ZFP69: variants seen among roughly 807,000 people sequenced by gnomAD.
ZFP69 encodes ZFP69 zinc finger protein, also known as zinc finger protein 69 homolog.
A neutral mutation model predicts 48.9 loss-of-function variants in ZFP69; 35 were observed. The observed-to-expected ratio is 0.72, with a 90% CI of 0.55 to 0.95. The LOEUF is 0.95. Among genes scored for constraint, ZFP69 ranks in the 40% least tolerant of loss-of-function variants. The pLI is 0.00. For synonymous variants in ZFP69, 193 were observed against 216.8 expected, an observed-to-expected ratio of 0.89 and a Z score of 0.96; for missense variants, 557 against 638.4, an observed-to-expected ratio of 0.87 and a Z score of 1.37.
intron 3 of ZFP69, among the ~76,000 whole-genome samples, chr1:40,486,518 A>C (rs1205210898): frequency 7.4e-6 from 1 of 135,012 alleles, no homozygotes; most frequent in Non-Finnish European, 1.5e-5. Context: ...TCTCAGGCTT[A>C]AGTGATCCTC....
Position 40,495,611 on chromosome 1 carries a change from C to T in ZFP69, c.1133C>T (p.Ser378Phe), listed in dbSNP as rs1242140787. 1 of 1,614,218 alleles carries T rather than the reference C, an allele frequency of 6.2e-7. No homozygotes were observed. Among genetic ancestry groups the T allele is most frequent in the Admixed American group, 1.7e-5 (1 of 60,028 alleles). Reference protein sequence around the residue: ...ISLVQHLRTHSGEKPFTCNEC... With the variant: ...ISLVQHLRTHFGEKPFTCNEC... ...TTGGTTCAACATTTGAGGACTCATTCTGGAGAGAAACCTTTTACTTGCAAT... is the reference window on the plus strand; with the variant it reads ...TTGGTTCAACATTTGAGGACTCATTTTGGAGAGAAACCTTTTACTTGCAAT... The change falls in exon 6 of 6, where the codon TCT becomes TTT. Residue 378 changes from serine to phenylalanine, a missense_variant. Physicochemically the swap from Ser to Phe is radical, Grantham distance 155. Transcript: ENST00000372706.
rs139925087 is a variant in ZFP69, at chr1:40,479,395, G to A, written c.34G>A (p.Glu12Lys). The A allele has an allele frequency of 2.0e-4, 329 of 1,614,048 alleles. 1 individual carries two copies. The African/African-American group carries it at 4.1e-3, about 20-fold the overall frequency. ...PQQLLITLPT[E>K]ASTWVKLQHP... is the part of the protein sequence containing the mutation. ...GCAGCTCCTGATCACCCTGCCTACC[G>A]AGGCCAGCACCTGGGTGAAGCTGCA... is the stretch of plus-strand genomic sequence containing the variant. Residue 12 changes from glutamate to lysine, a missense_variant, in exon 2 of 6, where the codon GAG becomes AAG. Physicochemically the swap from Glu to Lys is moderately conservative, Grantham distance 56. Transcript: ENST00000372706.
In ZFP69 at chr1:40,481,906, G is replaced by T. The variant is rs904855112; in HGVS notation, c.219+52G>T. On this transcript the variant is annotated intron_variant, in intron 3 of 5. Coordinates refer to ENST00000372706, the MANE Select transcript of ZFP69 (RefSeq NM_001320179.2). ...TGACATTGCTTCTCCTGTTTTTAGGGTATATAACCTGTCTTTTTTGCAGAG... is the reference window on the plus strand; with the variant it reads ...TGACATTGCTTCTCCTGTTTTTAGGTTATATAACCTGTCTTTTTTGCAGAG... 4.3e-6 allele frequency: 6 copies of T among 1,410,216 alleles called. No individual in the cohort carries two copies. The African/African-American group carries it at 8.6e-5, about 20-fold the overall frequency. The allele number at this position is 1,410,216 out of a possible 1,614,324, so 87.4% of individuals were successfully genotyped here.
At position 40,494,651 on chromosome 1, in the gene ZFP69, ATTT is replaced by A. The variant is rs1383346720; in HGVS notation, c.443-269_443-267del. Among the ~76,000 whole-genome samples the A allele has an allele frequency of 7.5e-5, 11 of 146,234 alleles. No homozygotes were observed. The South Asian group carries it at 2.3e-3, about 31-fold the overall frequency. On this transcript the variant is annotated intron_variant, in intron 5 of 5. Transcript: ENST00000372706. ...AATATACATTATATATAAAATATATATTTATTTATATTTATATATTTATAAATA... is the reference window on the plus strand; with the variant it reads ...AATATACATTATATATAAAATATATAATTTATATTTATATATTTATAAATA...
At chr1:40,486,488 C>T (rs1198400026) in intron 3 of ZFP69, among the ~76,000 whole-genome samples, 2 of 133,360 alleles carry the variant, frequency 1.5e-5, no homozygotes, top group Non-Finnish European at 3.3e-5. Context: ...CTCCCTCCCT[C>T]CCTCCCTCCC....
chr1:40,486,205 C>T (rs184744828), intron 3 of ZFP69, among the ~76,000 whole-genome samples: 138 of 152,168 alleles, frequency 9.1e-4, no homozygotes, highest in African/African-American at 3.1e-3. Flanking sequence ...GGATTACAGG[C>T]ATGAGCCACT....
chr1:40,494,993 G>C lies in ZFP69; in HGVS notation c.515G>C (p.Gly172Ala), dbSNP rs1645614118. 6.2e-7 allele frequency: 1 copy of C among 1,613,812 alleles called. No homozygotes were observed. Among genetic ancestry groups the C allele is most frequent in the Non-Finnish European group, 8.5e-7 (1 of 1,179,946 alleles). Residue 172 changes from glycine to alanine, a missense_variant, in exon 6 of 6, where the codon GGC becomes GCC. By Grantham distance (60) the Gly-to-Ala change is moderately conservative (BLOSUM62 0). Coordinates refer to ENST00000372706, the MANE Select transcript of ZFP69 (RefSeq NM_001320179.2). Reference protein sequence around the residue: ...STISQERLYHGIMMESFMRDD... With the variant: ...STISQERLYHAIMMESFMRDD... ...ATTTCACAGGAGCGCTTATATCATG[G>C]CATTATGATGGAAAGTTTCATGAGG... is the stretch of plus-strand genomic sequence containing the variant.
chr1:40,494,649 A>G (rs1363988832), intron 5 of ZFP69, among the ~76,000 whole-genome samples: 2 of 146,810 alleles, frequency 1.4e-5, no homozygotes, highest in African/African-American at 2.5e-5. Context: ...TATAAAATAT[A>G]TATTTATTTA....
Position 40,495,281 on chromosome 1 carries a change from C to T in ZFP69, c.803C>T (p.Thr268Ile). ...LINHPTSYIR[T>I]KTYECNICEK... ...AATCATCCAACAAGTTACATAAGAACAAAAACCTATGAATGTAATATATGT... is the reference window on the plus strand; with the variant it reads ...AATCATCCAACAAGTTACATAAGAATAAAAACCTATGAATGTAATATATGT... Residue 268 changes from threonine (T) to isoleucine (I), a missense_variant, in exon 6 of 6, where the codon ACA (threonine) becomes ATA (isoleucine). Physicochemically the swap from Thr to Ile is moderately conservative, Grantham distance 89. Transcript: ENST00000372706. The T allele has an allele frequency of 6.2e-7, 1 of 1,613,920 alleles. No homozygotes were observed. The highest frequency in any genetic ancestry group is 2.2e-5 in the East Asian group (1 of 44,876).
At position 40,484,883 on chromosome 1, in the gene ZFP69, C is replaced by CTTTTTT. The variant is rs71060386; in HGVS notation, c.219+3050_219+3055dup. ...GGCATGAGCCACTGCGCCTGGCCTG[C>CTTTTTT]TTTTTTTTTTTTTTTTTTTTTTTTT... On this transcript the variant is annotated intron_variant, in intron 3 of 5. Coordinates refer to ENST00000372706, the MANE Select transcript of ZFP69 (RefSeq NM_001320179.2). Among the ~76,000 whole-genome samples the CTTTTTT allele has an allele frequency of 4.3e-4, 19 of 44,384 alleles. 3 individuals are homozygous for CTTTTTT. The highest frequency in any genetic ancestry group is 2.0e-3 in the African/African-American group (18 of 9,046). The allele number at this position is 44,384 out of a possible 152,430, so 29.1% of individuals were successfully genotyped here.
At chr1:40,484,616 T>C (rs1325834448) in intron 3 of ZFP69, among the ~76,000 whole-genome samples, 3 of 151,936 alleles carry the variant, frequency 2.0e-5, no homozygotes, top group Non-Finnish European at 4.4e-5. Flanking sequence ...AGTCTTGCTC[T>C]GTTGCCCAGG....
chr1:40,491,650 TTC>T (rs1645569520), intron 5 of ZFP69, among the ~76,000 whole-genome samples: 1 of 152,178 alleles, frequency 6.6e-6, no homozygotes, highest in African/African-American at 2.4e-5. Flanking sequence ...CCATCTCTTC[TTC>T]TGTCCTTACT....
rs557596958 is a variant in ZFP69, at chr1:40,494,600, T to A, written c.443-321T>A. ...TTATATGATATTTATAAATATTTGATATATTTATAAATATTTTATATATAA... is the reference window on the plus strand; with the variant it reads ...TTATATGATATTTATAAATATTTGAAATATTTATAAATATTTTATATATAA... On this transcript the variant is annotated intron_variant, in intron 5 of 5. Coordinates refer to ENST00000372706, the MANE Select transcript of ZFP69 (RefSeq NM_001320179.2). Among the ~76,000 whole-genome samples the A allele has an allele frequency of 2.1e-3, 307 of 146,376 alleles. 1 individual carries two copies. The highest frequency in any genetic ancestry group is 3.3e-3 in the Admixed American group (49 of 14,656).
At chr1:40,492,722 G>A (rs1224214426) in intron 5 of ZFP69, among the ~76,000 whole-genome samples, 1 of 152,088 alleles carries the variant, frequency 6.6e-6, no homozygotes, top group African/African-American at 2.4e-5. Flanking sequence ...TTATGCTATT[G>A]AATCCTTCCA....
Position 40,495,638 on chromosome 1 carries a change from AATGTGGGAAAACC to A in ZFP69, c.1161_1173del (p.Glu387AspfsTer12). 6.2e-7 allele frequency: 1 copy of A among 1,614,238 alleles called. No homozygotes were observed. ...GGAGAGAAACCTTTTACTTGCAATG[AATGTGGGAAAACC>A]TTTAGACAGATTAGACACCTTAGTG... On this transcript the variant is annotated frameshift_variant, in exon 6 of 6. Coordinates refer to ENST00000372706, the MANE Select transcript of ZFP69 (RefSeq NM_001320179.2). LOFTEE classifies it high-confidence loss of function.
chr1:40,493,773 T>A (rs1645593078), intron 5 of ZFP69: 1 of 152,016 alleles, frequency 6.6e-6, no homozygotes, highest in South Asian at 2.1e-4. Flanking sequence ...GATCCATCTG[T>A]GTTGGCTAAA....
intron 5 of ZFP69, 77 bp from the exon 6 acceptor site, chr1:40,494,844 T>C (rs1010828092): frequency 1.6e-6 from 2 of 1,265,330 alleles, no homozygotes; most frequent in African/African-American, 1.5e-5. Context: ...CATGCACTTA[T>C]CCATATTGTT....
At chr1:40,491,441 G>T (rs1207044638) in intron 5 of ZFP69, among the ~76,000 whole-genome samples, 5 of 152,194 alleles carry the variant, frequency 3.3e-5, no homozygotes, top group African/African-American at 1.2e-4. Context: ...TTACCAATTT[G>T]CTCTTCAAAG....
At chr1:40,485,674 A>G (rs1017707919) in intron 3 of ZFP69, among the ~76,000 whole-genome samples, 7 of 152,154 alleles carry the variant, frequency 4.6e-5, no homozygotes, top group Non-Finnish European at 8.8e-5. Flanking sequence ...TGTTCTGGTG[A>G]CAAATTCTCA....
Sources: allele counts gnomAD v4.1 joint callset (sites outside exome capture counted in the v4.1 genomes callset), GRCh38; gene constraint gnomAD v4.1.1; transcripts MANE v1.5; gene names NCBI Gene and HGNC (gene_info 2026-07-23, HGNC 2026-07-21).